Variants in RWDD1 observed in about 807,000 individuals in gnomAD.
RWDD1 encodes the protein RWD domain containing 1.
In RWDD1, 17 loss-of-function variants were observed where a neutral mutation model predicts 31.6. That is an observed-to-expected ratio of 0.54 (90% CI 0.37 to 0.81). RWDD1 has a LOEUF of 0.81. Ranked by LOEUF, RWDD1 falls within the 30% of genes least tolerant of loss-of-function variation. The probability of loss-of-function intolerance (pLI) is 0.00; values close to 1 mark genes in which losing one functional copy is unlikely to be tolerated. For synonymous variants in RWDD1, 78 were observed against 94.2 expected (o/e 0.83, Z 0.99); for missense variants, 204 against 274.5 (o/e 0.74, Z 1.82).
chr6:116,594,348 T>G lies in RWDD1; in HGVS notation c.*1247T>G, dbSNP rs1364334147. 3 of 152,120 alleles carry G rather than the reference T, an allele frequency of 2.0e-5. No homozygotes were observed. The highest frequency in any genetic ancestry group is 7.2e-5 in the African/African-American group (3 of 41,420). The allele number at this position is 152,120 out of a possible 1,614,324, so 9.4% of individuals were successfully genotyped here. A position where few individuals can be genotyped will look rare whatever the true frequency, so the allele number is the denominator to read the frequency against. ...TTTAAATTAGAATTTAAATTAAAAT[T>G]TAAATTACAGTATTTAAATTAGAAT... is the stretch of plus-strand genomic sequence containing the variant. On this transcript the variant is annotated 3_prime_UTR_variant, in exon 7 of 7. Transcript: ENST00000466444.
chr6:116,572,892 G>A lies in RWDD1; in HGVS notation c.73+1237G>A, dbSNP rs145203595. The A allele has an allele frequency of 1.4e-5, 14 of 985,406 alleles. No individual in the cohort carries two copies. The Admixed American group carries it at 1.8e-4, about 13-fold the overall frequency. The allele number at this position is 985,406 out of a possible 1,614,324, so 61.0% of individuals were successfully genotyped here. A position where few individuals can be genotyped will look rare whatever the true frequency, so the allele number is the denominator to read the frequency against. On this transcript the variant is annotated intron_variant, in intron 1 of 6. Transcript: ENST00000466444. ...TCTCAGCTATCCCTGTATAGCTCCAGTCCTGTTCATGTTCTCTCTCACCAG... is the reference window on the plus strand; with the variant it reads ...TCTCAGCTATCCCTGTATAGCTCCAATCCTGTTCATGTTCTCTCTCACCAG...
At position 116,592,852 on chromosome 6, in the gene RWDD1, G is replaced by T. The variant is rs576145844; in HGVS notation, c.611-128G>T. On this transcript the variant is annotated intron_variant, in intron 6 of 6. Coordinates refer to ENST00000466444, the MANE Select transcript of RWDD1 (RefSeq NM_015952.4). ...ATCACTGTTGATAACTGTAGTTTGGGATTTCATCACTCCTACCTCATATGC... is the reference window on the plus strand; with the variant it reads ...ATCACTGTTGATAACTGTAGTTTGGTATTTCATCACTCCTACCTCATATGC... 2,358 of 981,064 alleles carry T rather than the reference G, an allele frequency of 2.4e-3. 2 individuals are homozygous for T. The highest frequency in any genetic ancestry group is 3.1e-3 in the Non-Finnish European group (2,141 of 682,592). 60.8% of individuals were successfully genotyped at this position (981,064 alleles called of 1,614,324 possible). A position where few individuals can be genotyped will look rare whatever the true frequency, so the allele number is the denominator to read the frequency against.
chr6:116,595,420 T>G lies in RWDD1; in HGVS notation c.*2319T>G, dbSNP rs1295487499. ...GAGTAAATATTTACTGTTGGCTTTGTATTCTGGGAATTAGCCCAAGACTAT... is the reference window on the plus strand; with the variant it reads ...GAGTAAATATTTACTGTTGGCTTTGGATTCTGGGAATTAGCCCAAGACTAT... On this transcript the variant is annotated 3_prime_UTR_variant, in exon 7 of 7. Coordinates refer to ENST00000466444, the MANE Select transcript of RWDD1 (RefSeq NM_015952.4). 6.6e-6 allele frequency: 1 copy of G among 152,220 alleles called. No homozygotes were observed. The highest frequency in any genetic ancestry group is 1.5e-5 in the Non-Finnish European group (1 of 68,014). 9.4% of individuals were successfully genotyped at this position (152,220 alleles called of 1,614,324 possible). A position where few individuals can be genotyped will look rare whatever the true frequency, so the allele number is the denominator to read the frequency against.
At chr6:116,580,657 A>G (rs1016685040) in intron 2 of RWDD1, among the ~76,000 whole-genome samples, 8 of 152,260 alleles carry the variant, frequency 5.3e-5, no homozygotes, top group African/African-American at 1.7e-4. Context: ...GTTCAAAGCA[A>G]TACTTCACGT....
At chr6:116,589,585 T>G (rs2115335495) in intron 4 of RWDD1, among the ~76,000 whole-genome samples, 1 of 152,274 alleles carries the variant, frequency 6.6e-6, no homozygotes, top group East Asian at 1.9e-4. Context: ...TATTAGAAAT[T>G]GATGTGTATT....
At chr6:116,572,974 G>A in intron 1 of RWDD1, 4 of 985,546 alleles carry the variant, frequency 4.1e-6, no homozygotes, top group Non-Finnish European at 4.8e-6. Flanking sequence ...GTTTGAGAGT[G>A]TCATTAACTG....
At chr6:116,571,986 T>A (rs1774746272) in intron 1 of RWDD1, among the ~76,000 whole-genome samples, 1 of 152,168 alleles carries the variant, frequency 6.6e-6, no homozygotes, top group South Asian at 2.1e-4. Context: ...CCAAGTGCGA[T>A]TCGTTTTTCC....
At position 116,593,153 on chromosome 6, in the gene RWDD1, T is replaced by C; in HGVS notation, c.*52T>C. The C allele has an allele frequency of 6.6e-7, 1 of 1,519,364 alleles. No individual in the cohort carries two copies. The allele number at this position is 1,519,364 out of a possible 1,614,324, so 94.1% of individuals were successfully genotyped here. A position where few individuals can be genotyped will look rare whatever the true frequency, so the allele number is the denominator to read the frequency against. On this transcript the variant is annotated 3_prime_UTR_variant, in exon 7 of 7. Coordinates refer to ENST00000466444, the MANE Select transcript of RWDD1 (RefSeq NM_015952.4). ...TTGACTGCCACAGCATCTGTGGCTA[T>C]GCTCAGAGGGTTATGATTTTCCTTT...
chr6:116,585,668 A>G (rs140147459), intron 3 of RWDD1, among the ~76,000 whole-genome samples: 1 of 152,344 alleles, frequency 6.6e-6, no homozygotes, highest in Non-Finnish European at 1.5e-5. Flanking sequence ...ATGTTATAGA[A>G]ATATCTGGAG....
chr6:116,571,806 C>A, intron 1 of RWDD1, 151 bp downstream of exon 1: 1 of 572,578 alleles, frequency 1.7e-6, no homozygotes, highest in Non-Finnish European at 3.0e-6. Flanking sequence ...GTTCTTCAGT[C>A]ACTTACCAGC....
chr6:116,572,346 G>C (rs1210731517), intron 1 of RWDD1: 1 of 152,234 alleles, frequency 6.6e-6, no homozygotes, highest in Non-Finnish European at 1.5e-5. Context: ...GCTCTGTACT[G>C]TCCGCCAGCG....
chr6:116,581,624 T>C (rs1469433776), intron 2 of RWDD1, among the ~76,000 whole-genome samples: 1 of 152,032 alleles, frequency 6.6e-6, no homozygotes, highest in Admixed American at 6.6e-5. Flanking sequence ...GGCATTGATA[T>C]ACAATTTCTA....
chr6:116,575,802 G>A (rs550255643), intron 1 of RWDD1, among the ~76,000 whole-genome samples: 1 of 152,304 alleles, frequency 6.6e-6, no homozygotes, highest in East Asian at 1.9e-4. Context: ...TACACTCGTG[G>A]CCAAGATGGT....
At chr6:116,580,417 TTC>T in intron 2 of RWDD1, 57 bp downstream of exon 2, 1 of 1,301,346 alleles carries the variant, frequency 7.7e-7, no homozygotes. Context: ...ATTTCACTCA[TTC>T]TGTAGGCATT....
chr6:116,577,322 T>G (rs1206290277), intron 1 of RWDD1, among the ~76,000 whole-genome samples: 1 of 152,146 alleles, frequency 6.6e-6, no homozygotes, highest in Non-Finnish European at 1.5e-5. Flanking sequence ...GAGTTTGTTA[T>G]TATTCCTCTT....
chr6:116,595,087 G>A lies in RWDD1; in HGVS notation c.*1986G>A, dbSNP rs1775219180. The stretch of plus-strand genomic sequence containing the variant: ...ATTTTGCTTTTCCCATCTTTTTGAA[G>A]CTGATCAGCAGATACATAAGAACCT... On this transcript the variant is annotated 3_prime_UTR_variant, in exon 7 of 7. Coordinates refer to ENST00000466444, the MANE Select transcript of RWDD1 (RefSeq NM_015952.4). 2 of 152,120 alleles carry A rather than the reference G, an allele frequency of 1.3e-5. No homozygotes were observed. Among genetic ancestry groups the A allele is most frequent in the Non-Finnish European group, 2.9e-5 (2 of 68,014 alleles). The allele number at this position is 152,120 out of a possible 1,614,324, so 9.4% of individuals were successfully genotyped here. A position where few individuals can be genotyped will look rare whatever the true frequency, so the allele number is the denominator to read the frequency against.
chr6:116,576,558 C>A (rs1774845276), intron 1 of RWDD1, among the ~76,000 whole-genome samples: 2 of 152,190 alleles, frequency 1.3e-5, no homozygotes, highest in Admixed American at 1.3e-4. Context: ...CTATCTGGCT[C>A]CCCAGGTCCG....
At chr6:116,580,458 A>G (rs1774928979) in intron 2 of RWDD1, 98 bp downstream of exon 2, 1 of 777,302 alleles carries the variant, frequency 1.3e-6, no homozygotes, top group Non-Finnish European at 2.0e-6. Flanking sequence ...TGGAGGTGCT[A>G]AGGGGCTGTT....
chr6:116,586,600 A>G (rs1775044564), intron 3 of RWDD1, among the ~76,000 whole-genome samples: 1 of 152,214 alleles, frequency 6.6e-6, no homozygotes, highest in African/African-American at 2.4e-5. Flanking sequence ...CAAATAATCA[A>G]GAATTAGTAT....
Sources: allele counts gnomAD v4.1 joint callset (sites outside exome capture counted in the v4.1 genomes callset), GRCh38; gene constraint gnomAD v4.1.1; transcripts MANE v1.5; gene names NCBI Gene and HGNC (gene_info 2026-07-23, HGNC 2026-07-21).